PCDHA4: variants seen among roughly 807,000 people sequenced by gnomAD.
PCDHA4 encodes the protein protocadherin alpha-4.
PCDHA4 carries 49 observed loss-of-function variants against 61.4 expected under a neutral mutation model. The ratio of observed to expected loss-of-function variants is 0.80; its 90% CI spans 0.63 to 1.01. The LOEUF (loss-of-function observed/expected upper bound fraction) is 1.01. Ranked by LOEUF, PCDHA4 falls within the 50% of genes least tolerant of loss-of-function variation. PCDHA4 has a pLI of 0.00. For missense variants in PCDHA4, 1,254 were observed against 1,235.8 expected (o/e 1.01, Z -0.22); for synonymous variants, 590 against 550.3 (o/e 1.07, Z -1.01).
chr5:140,928,642 G>C, intron 1 of PCDHA4: 1 of 1,614,232 alleles, frequency 6.2e-7, no homozygotes, highest in African/African-American at 1.3e-5. Flanking sequence ...CACAAAAGTG[G>C]TAGCAGAGGA....
chr5:140,993,949 T>C (rs1330727166), intron 3 of PCDHA4, among the ~76,000 whole-genome samples: 1 of 152,204 alleles, frequency 6.6e-6, no homozygotes, highest in Non-Finnish European at 1.5e-5. Flanking sequence ...TGTTAAGTGA[T>C]ACATGACTGT....
At chr5:140,842,125 T>C (rs1777718972) in intron 1 of PCDHA4, 1 of 1,613,772 alleles carries the variant, frequency 6.2e-7, no homozygotes, top group Non-Finnish European at 8.5e-7. Context: ...ATGCTTCTGA[T>C]CCGGATGAAG....
chr5:140,848,724 G>T, intron 1 of PCDHA4: 5 of 1,592,662 alleles, frequency 3.1e-6, no homozygotes, highest in Non-Finnish European at 4.3e-6. Context: ...CCTTCTGGAG[G>T]TAAATCTGCA....
chr5:140,926,919 A>G, intron 1 of PCDHA4: 9 of 1,566,668 alleles, frequency 5.7e-6, no homozygotes, highest in Non-Finnish European at 7.8e-6. Flanking sequence ...TGGCAGTTTT[A>G]TGTTTGTGGG....
chr5:140,867,133 A>T (rs1554160961), intron 1 of PCDHA4: 1 of 152,166 alleles, frequency 6.6e-6, no homozygotes, highest in African/African-American at 2.4e-5. Flanking sequence ...CAAATATGTG[A>T]TATTATCATT....
At chr5:140,967,809 A>G in intron 1 of PCDHA4, 1 of 1,614,190 alleles carries the variant, frequency 6.2e-7, no homozygotes. Flanking sequence ...ATGGCAGGTC[A>G]CTGCAAGGTG....
intron 1 of PCDHA4, chr5:140,929,372 G>A: frequency 1.3e-6 from 2 of 1,514,740 alleles, no homozygotes; most frequent in Non-Finnish European, 1.8e-6. Context: ...GGAGATGGCT[G>A]CTAGCTGTGT....
chr5:140,902,284 T>C (rs2069352303), intron 1 of PCDHA4, among the ~76,000 whole-genome samples: 2 of 149,984 alleles, frequency 1.3e-5, no homozygotes, highest in South Asian at 4.3e-4. Context: ...GCAATCCTCC[T>C]GCCTCAGCCT....
chr5:140,941,191 T>TTTCTTTCTTTCTTTCTTTCTTTC (rs1487503403), intron 1 of PCDHA4, among the ~76,000 whole-genome samples: 1 of 93,206 alleles, frequency 1.1e-5, no homozygotes, highest in South Asian at 2.8e-4. Flanking sequence ...GCTTCTTTTT[T>TTTCTTTCTTTCTTTCTTTCTTTC]TTTCTTTCTT....
chr5:140,996,837 G>A (rs1382866699), intron 3 of PCDHA4, among the ~76,000 whole-genome samples: 7 of 151,992 alleles, frequency 4.6e-5, no homozygotes, highest in African/African-American at 7.3e-5. Flanking sequence ...ATAATTTAGC[G>A]TGCATCTTCA....
At chr5:140,884,175 C>T in intron 1 of PCDHA4, 1 of 1,613,438 alleles carries the variant, frequency 6.2e-7, no homozygotes, top group Non-Finnish European at 8.5e-7. Context: ...ACGACGCGCC[C>T]TCTGGACGAG....
Position 140,808,474 on chromosome 5 carries a change from C to A in PCDHA4, c.1287C>A (p.Asp429Glu). ...SAYELVVTAR[D>E]GGSPSLWATA... ...ATGAGCTGGTGGTGACCGCGCGAGA[C>A]GGGGGCTCGCCTTCGCTGTGGGCCA... The change falls in exon 1 of 4, where the codon GAC becomes GAA. Residue 429 changes from aspartate (D) to glutamate (E), a missense_variant. Physicochemically the swap from Asp to Glu is conservative, Grantham distance 45. Coordinates refer to ENST00000530339, the MANE Select transcript of PCDHA4 (RefSeq NM_018907.4). 5 of 1,614,152 alleles carry A rather than the reference C, an allele frequency of 3.1e-6. No homozygotes were observed. Among genetic ancestry groups the A allele is most frequent in the Non-Finnish European group, 4.2e-6 (5 of 1,180,052 alleles).
chr5:140,811,132 A>G (rs1235469619), intron 1 of PCDHA4: 6 of 152,110 alleles, frequency 3.9e-5, no homozygotes, highest in Admixed American at 3.3e-4. Context: ...TACATTAGGT[A>G]TTTCTCCTAA....
Position 140,856,181 on chromosome 5 carries a change from G to A in PCDHA4, c.2385+46609G>A, listed in dbSNP as rs781803033. 3.8e-6 allele frequency: 6 copies of A among 1,598,228 alleles called. No individual in the cohort carries two copies. In the East Asian group the frequency reaches 1.3e-4, roughly 36 times the overall value. ...GGAGGCCAGACACGGCACCTTCGTG[G>A]GCCGCATCGCGCAGGACCTGGGGCT... On this transcript the variant is annotated intron_variant, in intron 1 of 3. Transcript: ENST00000530339.
At position 140,840,716 on chromosome 5, in the gene PCDHA4, GAATA is replaced by G. The variant is rs1444091534; in HGVS notation, c.2385+31147_2385+31150del. 3.2e-4 allele frequency among the ~76,000 whole-genome samples: 48 copies of G among 151,992 alleles called. 1 individual carries two copies. Among genetic ancestry groups the G allele is most frequent in the Non-Finnish European group, 1.5e-5 (1 of 67,982 alleles). ...CGGTTCAGGCAATTTGACATTTATT[GAATA>G]AAGAAAAGCAAAAATTTAACAATAA... On this transcript the variant is annotated intron_variant, in intron 1 of 3. Coordinates refer to ENST00000530339, the MANE Select transcript of PCDHA4 (RefSeq NM_018907.4).
intron 2 of PCDHA4, among the ~76,000 whole-genome samples, chr5:140,981,605 C>CT (rs1444386694): frequency 1.1e-4 from 17 of 152,174 alleles, no homozygotes; most frequent in African/African-American, 2.9e-4. Context: ...AAATGTTCCT[C>CT]TAATTTTGAT....
chr5:140,879,596 A>G (rs1324407694), intron 1 of PCDHA4, among the ~76,000 whole-genome samples: 1 of 152,240 alleles, frequency 6.6e-6, no homozygotes, highest in East Asian at 1.9e-4. Flanking sequence ...TGAAAAGTGA[A>G]AAACAATGTG....
chr5:141,000,304 G>A (rs1225893261), intron 3 of PCDHA4, among the ~76,000 whole-genome samples: 1 of 147,530 alleles, frequency 6.8e-6, no homozygotes, highest in Non-Finnish European at 1.5e-5. Context: ...GAGGCCAGGA[G>A]TTCAAGACCA....
intron 1 of PCDHA4, 99 bp from the exon 2 acceptor site, chr5:140,978,850 G>T: frequency 6.3e-7 from 1 of 1,577,084 alleles, no homozygotes; most frequent in Non-Finnish European, 8.6e-7. Flanking sequence ...TTTTTTAGAT[G>T]CCTGGAAATA....
Sources: allele counts gnomAD v4.1 joint callset (sites outside exome capture counted in the v4.1 genomes callset), GRCh38; gene constraint gnomAD v4.1.1; transcripts MANE v1.5; gene names NCBI Gene and HGNC (gene_info 2026-07-23, HGNC 2026-07-21).